The following SFT2D1 variants were observed in gnomAD, a reference collection of about 807,000 sequenced individuals.
SFT2D1 encodes SFT2 domain containing 1.
Under a neutral mutation model 28.1 loss-of-function variants are expected in SFT2D1, and 24 were observed. That is an observed-to-expected ratio of 0.85 (90% CI 0.62 to 1.20). The LOEUF (loss-of-function observed/expected upper bound fraction) is 1.20. Among genes scored for constraint, SFT2D1 ranks in the 50% most tolerant of loss-of-function variants. The pLI is 0.00. For missense variants in SFT2D1, 181 were observed against 190.9 expected (o/e 0.95, Z 0.31); for synonymous variants, 82 against 73.7 (o/e 1.11, Z -0.58).
intron 1 of SFT2D1, among the ~76,000 whole-genome samples, chr6:166,333,474 GGCTGGTTCCTCGGCCCCACCGT>G (rs1235215040): frequency 3.9e-5 from 6 of 152,214 alleles, no homozygotes; most frequent in African/African-American, 1.4e-4. Flanking sequence ...TCTGGCAGCA[GGCTGGTTCCTCGGCCCCACCGT>G]GCTGACTCCT....
intron 1 of SFT2D1, among the ~76,000 whole-genome samples, chr6:166,337,893 G>A (rs988426162): frequency 1.3e-5 from 2 of 152,134 alleles, no homozygotes; most frequent in African/African-American, 4.8e-5. Context: ...GAGATGATCA[G>A]GTCATGGGGA....
At chr6:166,335,717 T>C (rs1047837687) in intron 1 of SFT2D1, among the ~76,000 whole-genome samples, 12 of 152,208 alleles carry the variant, frequency 7.9e-5, no homozygotes, top group African/African-American at 2.9e-4. Flanking sequence ...GTGGTTCTAG[T>C]AGCAGCAGTA....
rs1021250230 is a variant in SFT2D1, at chr6:166,319,892, C to A, written c.*325G>T. ...AAAGCAAAAAAGTTTAATTATCTTG[C>A]AGCACAGGTCTACCTTTAAATATTC... On this transcript the variant is annotated 3_prime_UTR_variant, in exon 8 of 8. Coordinates refer to ENST00000361731, the MANE Select transcript of SFT2D1 (RefSeq NM_145169.3). 1.9e-4 allele frequency: 38 copies of A among 196,918 alleles called. No homozygotes were observed. The highest frequency in any genetic ancestry group is 3.4e-4 in the Non-Finnish European group (33 of 98,414). 12.2% of individuals were successfully genotyped at this position (196,918 alleles called of 1,614,324 possible). A position where few individuals can be genotyped will look rare whatever the true frequency, so the allele number is the denominator to read the frequency against.
chr6:166,329,009 A>G (rs1205863099), intron 3 of SFT2D1, among the ~76,000 whole-genome samples: 1 of 152,204 alleles, frequency 6.6e-6, no homozygotes, highest in Admixed American at 6.5e-5. Context: ...CATCTTCTTC[A>G]TTAAAATGTA....
At chr6:166,342,015 T>C (rs1169911013) in intron 1 of SFT2D1, among the ~76,000 whole-genome samples, 1 of 152,138 alleles carries the variant, frequency 6.6e-6, no homozygotes, top group Non-Finnish European at 1.5e-5. Flanking sequence ...GCAACAAGCT[T>C]TAGGGTCTCG....
Position 166,320,129 on chromosome 6 carries a change from G to T in SFT2D1, c.*88C>A, listed in dbSNP as rs1299238625. On this transcript the variant is annotated 3_prime_UTR_variant, in exon 8 of 8. Transcript: ENST00000361731. ...ACGGTCTTCAACTGTCACGTCAGTT[G>T]TTCCTGGAGTGTTTTATGGGGAAAA... 2 of 1,246,088 alleles carry T rather than the reference G, an allele frequency of 1.6e-6. No individual in the cohort carries two copies. Among genetic ancestry groups the T allele is most frequent in the Non-Finnish European group, 2.3e-6 (2 of 860,202 alleles). The allele number at this position is 1,246,088 out of a possible 1,614,324, so 77.2% of individuals were successfully genotyped here. A position where few individuals can be genotyped will look rare whatever the true frequency, so the allele number is the denominator to read the frequency against.
chr6:166,329,509 G>A lies in SFT2D1; in HGVS notation c.231C>T (p.Ala77=). The A allele has an allele frequency of 6.2e-7, 1 of 1,606,808 alleles. No homozygotes were observed. The highest frequency in any genetic ancestry group is 8.5e-7 in the Non-Finnish European group (1 of 1,175,160). Residue 77 remains alanine, a splice_region_variant and synonymous_variant, in exon 3 of 8, where the codon GCC becomes GCT. Coordinates refer to ENST00000361731, the MANE Select transcript of SFT2D1 (RefSeq NM_145169.3). ...FYTLGNLAAL[A]STCFLMGPVK... ...ATATTTTGAGAAGCCAAACGTACCTGGCTAACGCAGCAAGATTGCCGAGGG... is the reference window on the plus strand; with the variant it reads ...ATATTTTGAGAAGCCAAACGTACCTAGCTAACGCAGCAAGATTGCCGAGGG...
intron 1 of SFT2D1, among the ~76,000 whole-genome samples, 193 bp downstream of exon 1, chr6:166,342,226 A>C (rs947831361): frequency 6.6e-6 from 1 of 152,188 alleles, no homozygotes; most frequent in East Asian, 1.9e-4. Flanking sequence ...AGTGGGTTTA[A>C]GTAGACCGCA....
At chr6:166,320,819 A>C (rs1261787772) in intron 7 of SFT2D1, among the ~76,000 whole-genome samples, 1 of 152,200 alleles carries the variant, frequency 6.6e-6, no homozygotes, top group African/African-American at 2.4e-5. Context: ...GCCCAGCCCA[A>C]AGATTTAATT....
At chr6:166,333,914 A>C (rs937589570) in intron 1 of SFT2D1, among the ~76,000 whole-genome samples, 1 of 151,754 alleles carries the variant, frequency 6.6e-6, no homozygotes, top group Admixed American at 6.6e-5. Flanking sequence ...AAACCACCAA[A>C]CCACCAAACA....
At chr6:166,336,930 C>T (rs1422050721) in intron 1 of SFT2D1, among the ~76,000 whole-genome samples, 3 of 152,210 alleles carry the variant, frequency 2.0e-5, no homozygotes, top group African/African-American at 7.2e-5. Context: ...AAGGCACCTC[C>T]TCCTCATACC....
intron 3 of SFT2D1, 24 bp downstream of exon 3, chr6:166,329,483 G>A (rs1357558295): frequency 6.3e-7 from 1 of 1,595,096 alleles, no homozygotes. Context: ...GAGCAAACAA[G>A]ATATTTTGAG....
In SFT2D1 at chr6:166,326,146, A is replaced by G; in HGVS notation, c.337T>C (p.Cys113Arg). 1 of 1,613,932 alleles carries G rather than the reference A, an allele frequency of 6.2e-7. No homozygotes were observed. Among genetic ancestry groups the G allele is most frequent in the Non-Finnish European group, 8.5e-7 (1 of 1,179,816 alleles). ...ACATAACTTACCCAAAGAGCAGCAC[A>G]CAGGGTAAATATGAAACACAACTAC... ...VMLLCFIFTLCAALWWHKKGL... is the reference protein window; with the variant it reads ...VMLLCFIFTLRAALWWHKKGL... The change falls in exon 5 of 8, where the codon TGT becomes CGT. Residue 113 changes from cysteine to arginine, a missense_variant. Physicochemically the swap from Cys to Arg is radical, Grantham distance 180. Transcript: ENST00000361731.
intron 1 of SFT2D1, among the ~76,000 whole-genome samples, chr6:166,338,089 A>G (rs144351948): frequency 5.1e-4 from 78 of 152,330 alleles, no homozygotes; most frequent in African/African-American, 1.9e-3. Context: ...TAAGAAATAA[A>G]TTTCTGTTGT....
At chr6:166,342,135 G>T (rs1778793369) in intron 1 of SFT2D1, among the ~76,000 whole-genome samples, 1 of 152,134 alleles carries the variant, frequency 6.6e-6, no homozygotes, top group African/African-American at 2.4e-5. Context: ...GGGAGCGATG[G>T]ATTATTTGGG....
intron 1 of SFT2D1, among the ~76,000 whole-genome samples, chr6:166,334,333 G>C (rs113119960): frequency 2.5e-4 from 38 of 152,346 alleles, no homozygotes; most frequent in African/African-American, 3.8e-4. Context: ...TGTGGCTCAC[G>C]CCTGTAATCC....
At chr6:166,336,423 T>A (rs949500832) in intron 1 of SFT2D1, among the ~76,000 whole-genome samples, 1 of 152,206 alleles carries the variant, frequency 6.6e-6, no homozygotes, top group Non-Finnish European at 1.5e-5. Context: ...GAATGAAGCT[T>A]GTGTATCATC....
At chr6:166,336,775 G>A (rs1233279962) in intron 1 of SFT2D1, among the ~76,000 whole-genome samples, 1 of 152,184 alleles carries the variant, frequency 6.6e-6, no homozygotes. Flanking sequence ...TCGCCATGTT[G>A]CCCAGACTGG....
intron 2 of SFT2D1, 143 bp downstream of exon 2, chr6:166,330,018 C>T: frequency 3.6e-6 from 2 of 559,400 alleles, no homozygotes; most frequent in South Asian, 7.2e-5. Context: ...TTGATCTCTA[C>T]CCCTTTATTT....
Sources: allele counts gnomAD v4.1 joint callset (sites outside exome capture counted in the v4.1 genomes callset), GRCh38; gene constraint gnomAD v4.1.1; transcripts MANE v1.5; gene names NCBI Gene and HGNC (gene_info 2026-07-23, HGNC 2026-07-21).